Variants in TACC2 observed in about 807,000 individuals in gnomAD.
The protein encoded by TACC2 is transforming acidic coiled-coil-containing protein 2.
TACC2 carries 137 observed loss-of-function variants against 227.3 expected under a neutral mutation model. The observed-to-expected ratio is 0.60, with a 90% CI of 0.52 to 0.69. TACC2 has a LOEUF of 0.69. TACC2 is among the 30% of genes least tolerant of loss of function. The probability of loss-of-function intolerance (pLI) is 0.00; values close to 1 mark genes in which losing one functional copy is unlikely to be tolerated. For synonymous variants in TACC2, 1,523 were observed against 1,487.5 expected, an observed-to-expected ratio of 1.02 and a Z score of -0.55; for missense variants, 3,470 against 3,694.4, an observed-to-expected ratio of 0.94 and a Z score of 1.57.
At chr10:122,184,527 G>A (rs1393102671) in intron 7 of TACC2, among the ~76,000 whole-genome samples, 2 of 152,188 alleles carry the variant, frequency 1.3e-5, no homozygotes, top group Non-Finnish European at 2.9e-5. Context: ...GCACATCTGG[G>A]GAGACCCCTG....
chr10:122,061,126 G>A (rs1234811088), intron 3 of TACC2, among the ~76,000 whole-genome samples: 1 of 150,386 alleles, frequency 6.6e-6, no homozygotes, highest in African/African-American at 2.5e-5. Flanking sequence ...TGGCTAACAC[G>A]GTGAAACCCC....
intron 7 of TACC2, among the ~76,000 whole-genome samples, chr10:122,189,119 A>T (rs992965185): frequency 6.6e-6 from 1 of 152,104 alleles, no homozygotes; most frequent in Non-Finnish European, 1.5e-5. Flanking sequence ...TCAGCCCTTA[A>T]AAAAAATGAC....
chr10:122,027,413 G>A (rs2135678612), intron 2 of TACC2, among the ~76,000 whole-genome samples: 1 of 152,166 alleles, frequency 6.6e-6, no homozygotes, highest in Admixed American at 6.5e-5. Context: ...ATTCTCTTGA[G>A]GTTGAGATTC....
intron 6 of TACC2, among the ~76,000 whole-genome samples, chr10:122,142,466 T>C (rs2090742805): frequency 6.6e-6 from 1 of 152,252 alleles, no homozygotes; most frequent in Non-Finnish European, 1.5e-5. Flanking sequence ...GACTGAGTCC[T>C]CTGTCCAGTG....
chr10:122,034,698 G>A (rs1208123225), intron 2 of TACC2, among the ~76,000 whole-genome samples: 3 of 152,064 alleles, frequency 2.0e-5, no homozygotes, highest in East Asian at 1.9e-4. Flanking sequence ...TTGGGAGGCC[G>A]AGGTGGGTGG....
At chr10:122,162,854 TACA>T (rs1418393150) in intron 7 of TACC2, among the ~76,000 whole-genome samples, 1 of 152,132 alleles carries the variant, frequency 6.6e-6, no homozygotes, top group African/African-American at 2.4e-5. Context: ...CTTTGCCCTG[TACA>T]CGCATGCTGC....
chr10:122,008,264 A>ATTATTATTTTTTT, intron 1 of TACC2, among the ~76,000 whole-genome samples: 10 of 134,652 alleles, frequency 7.4e-5, no homozygotes, highest in Admixed American at 3.0e-4. Flanking sequence ...TATTATTATT[A>ATTATTATTTTTTT]TTTTTTTTTT....
intron 1 of TACC2, among the ~76,000 whole-genome samples, chr10:122,020,312 TTGTGTGTG>T (rs10556316): frequency 4.0e-5 from 6 of 150,442 alleles, no homozygotes; most frequent in South Asian, 4.2e-4. Flanking sequence ...GAGCATGTGA[TTGTGTGTG>T]TGTGTGTGTG....
chr10:121,998,100 A>C (rs1307740985), intron 1 of TACC2, among the ~76,000 whole-genome samples: 1 of 152,148 alleles, frequency 6.6e-6, no homozygotes, highest in African/African-American at 2.4e-5. Flanking sequence ...TCACAAGGTC[A>C]GGAGTTTGAG....
chr10:122,028,837 GCTCCCCTCCC>G (rs1338738996), intron 2 of TACC2, among the ~76,000 whole-genome samples: 10 of 8,676 alleles, frequency 1.2e-3, no homozygotes, highest in African/African-American at 6.4e-3. Flanking sequence ...CCTTCCCTCC[GCTCCCCTCCC>G]CTCCCCTCCT....
intron 8 of TACC2, among the ~76,000 whole-genome samples, chr10:122,202,812 C>T (rs1360599864): frequency 2.0e-5 from 3 of 150,296 alleles, no homozygotes; most frequent in Non-Finnish European, 4.4e-5. Flanking sequence ...TGCGGCCTTC[C>T]GCAGTGTTTG....
At chr10:122,003,146 T>A (rs939349513) in intron 1 of TACC2, among the ~76,000 whole-genome samples, 5 of 151,940 alleles carry the variant, frequency 3.3e-5, no homozygotes, top group Admixed American at 2.0e-4. Flanking sequence ...GAGGTTGCAG[T>A]GAGCCGAGAT....
At position 122,229,472 on chromosome 10, in the gene TACC2, G is replaced by C; in HGVS notation, c.8023G>C (p.Ala2675Pro). The C allele has an allele frequency of 6.2e-7, 1 of 1,613,874 alleles. No individual in the cohort carries two copies. The highest frequency in any genetic ancestry group is 8.5e-7 in the Non-Finnish European group (1 of 1,179,974). ...DLAEKNPPLF[A>P]QKLQEELEFA... is the part of the protein sequence containing the mutation. ...AGCAGAAAAGAACCCCCCACTATTC[G>C]CTCAGAAACTCCAGGTTTGTAGCCC... The change falls in exon 15 of 23, where the codon GCT becomes CCT. Residue 2675 changes from alanine to proline, a missense_variant. This residue lies in a region of TACC2 where 345 missense variants were observed against 354.4 expected (regional missense o/e 0.97). Transcript: ENST00000369005.
chr10:122,103,793 G>A (rs1298903547), intron 5 of TACC2, among the ~76,000 whole-genome samples: 1 of 152,176 alleles, frequency 6.6e-6, no homozygotes, highest in Non-Finnish European at 1.5e-5. Flanking sequence ...TTGTCTTGCA[G>A]GAGAGAGGAA....
chr10:122,133,227 C>T (rs993848590), intron 6 of TACC2, among the ~76,000 whole-genome samples: 2 of 152,044 alleles, frequency 1.3e-5, no homozygotes, highest in South Asian at 2.1e-4. Context: ...CTGGGGTCCC[C>T]GCCCCTGCCC....
chr10:121,998,148 A>C (rs574160922), intron 1 of TACC2, among the ~76,000 whole-genome samples: 1 of 152,098 alleles, frequency 6.6e-6, no homozygotes, highest in East Asian at 1.9e-4. Flanking sequence ...GTCTCTACTA[A>C]AAATACAAAA....
chr10:122,009,260 T>A (rs1955631388), intron 1 of TACC2, among the ~76,000 whole-genome samples: 1 of 152,244 alleles, frequency 6.6e-6, no homozygotes, highest in Admixed American at 6.5e-5. Context: ...TTGTTTTATA[T>A]CACTTTGGGA....
At chr10:122,203,284 GA>G (rs1404928151) in intron 8 of TACC2, among the ~76,000 whole-genome samples, 1 of 142,626 alleles carries the variant, frequency 7.0e-6, no homozygotes, top group Non-Finnish European at 1.5e-5. Context: ...TGGCCGGGCA[GA>G]GGGGCTCCTC....
chr10:122,027,126 G>A (rs1958131833), intron 2 of TACC2, among the ~76,000 whole-genome samples: 1 of 152,188 alleles, frequency 6.6e-6, no homozygotes, highest in Non-Finnish European at 1.5e-5. Flanking sequence ...ATTTGGTGGT[G>A]TCAGTATTCT....
Sources: gnomAD v4.1 joint callset for allele counts (sites outside exome capture counted in the v4.1 genomes callset) on GRCh38, gnomAD v4.1.1 for gene constraint, gnomAD v4.1.1 regional missense constraint, MANE v1.5 for transcripts, NCBI Gene and HGNC (gene_info 2026-07-23, HGNC 2026-07-21) for gene names.